The following ANKRD12 variants were observed in gnomAD, a reference collection of about 807,000 sequenced individuals.
ANKRD12 encodes the protein ankyrin repeat domain 12.
In ANKRD12, 85 loss-of-function variants were observed where a neutral mutation model predicts 183.4. The ratio of observed to expected loss-of-function variants is 0.46; its 90% CI spans 0.39 to 0.56. The LOEUF (loss-of-function observed/expected upper bound fraction) is 0.56, where lower values mean the gene tolerates loss of function less well. ANKRD12 is among the 20% of genes least tolerant of loss of function. The probability of loss-of-function intolerance (pLI) is 0.00; values close to 1 mark genes in which losing one functional copy is unlikely to be tolerated. For synonymous variants in ANKRD12, 914 were observed against 800.2 expected, an observed-to-expected ratio of 1.14 and a Z score of -2.40; for missense variants, 2,405 against 2,357.1, an observed-to-expected ratio of 1.02 and a Z score of -0.42.
intron 11 of ANKRD12, among the ~76,000 whole-genome samples, chr18:9,276,640 G>A (rs980937654): frequency 6.6e-6 from 1 of 152,044 alleles, no homozygotes; most frequent in African/African-American, 2.4e-5. Context: ...GTTGAGCCTG[G>A]CAGGCCAAGG....
At chr18:9,262,194 T>C (rs191184978) in intron 9 of ANKRD12, among the ~76,000 whole-genome samples, 59 of 152,304 alleles carry the variant, frequency 3.9e-4, no homozygotes, top group African/African-American at 1.3e-3. Context: ...ACTTTTCATA[T>C]ATGGTGTTAC....
intron 6 of ANKRD12, 22 bp downstream of exon 6, chr18:9,211,806 C>T (rs1248502249): frequency 6.3e-7 from 1 of 1,576,496 alleles, no homozygotes; most frequent in Admixed American, 1.7e-5. Context: ...AATTCAATAC[C>T]TACTATTCAG....
chr18:9,181,152 C>G (rs984472002), intron 1 of ANKRD12, among the ~76,000 whole-genome samples: 2 of 152,120 alleles, frequency 1.3e-5, no homozygotes, highest in Admixed American at 1.3e-4. Context: ...TTGTTTCCTC[C>G]TCTATAAAAT....
chr18:9,248,245 A>C (rs2038078887), intron 8 of ANKRD12, among the ~76,000 whole-genome samples: 1 of 152,182 alleles, frequency 6.6e-6, no homozygotes, highest in African/African-American at 2.4e-5. Flanking sequence ...GGTTCTGATC[A>C]ATTTTCTTAA....
intron 10 of ANKRD12, among the ~76,000 whole-genome samples, chr18:9,272,958 C>CATG (rs59174485): frequency 0.074 from 11,183 of 151,708 alleles, 418 homozygotes; most frequent in African/African-American, 0.083. Context: ...GAATGGGAAA[C>CATG]GTGGGGGTGG....
chr18:9,180,607 T>C (rs749752825), intron 1 of ANKRD12, among the ~76,000 whole-genome samples: 3 of 152,142 alleles, frequency 2.0e-5, no homozygotes, highest in Non-Finnish European at 2.9e-5. Flanking sequence ...GTATAGTTAT[T>C]ATATAGTGAT....
intron 6 of ANKRD12, among the ~76,000 whole-genome samples, chr18:9,214,457 A>C (rs1356472009): frequency 6.6e-6 from 1 of 152,122 alleles, no homozygotes; most frequent in Non-Finnish European, 1.5e-5. Flanking sequence ...TATCTGCTTA[A>C]AACACCATGT....
chr18:9,143,290 T>C (rs2078382242), intron 1 of ANKRD12, among the ~76,000 whole-genome samples: 2 of 152,226 alleles, frequency 1.3e-5, no homozygotes, highest in South Asian at 2.1e-4. Context: ...TTATAAGTTA[T>C]AAAAATGTTA....
intron 5 of ANKRD12, 46 bp downstream of exon 5, chr18:9,208,849 C>T: frequency 6.9e-7 from 1 of 1,448,920 alleles, no homozygotes; most frequent in Non-Finnish European, 9.2e-7. Flanking sequence ...TAGTTTTCCT[C>T]AGGCAACTGT....
intron 10 of ANKRD12, among the ~76,000 whole-genome samples, chr18:9,271,369 C>G (rs2039593433): frequency 6.6e-6 from 1 of 152,084 alleles, no homozygotes; most frequent in South Asian, 2.1e-4. Context: ...ACTAAAAATA[C>G]AAAAAATTAG....
chr18:9,215,035 AAAT>A (rs1470770054), intron 6 of ANKRD12, among the ~76,000 whole-genome samples: 1 of 152,184 alleles, frequency 6.6e-6, no homozygotes, highest in Non-Finnish European at 1.5e-5. Flanking sequence ...TCGTTTAAAA[AAAT>A]GTCAAGATAA....
At chr18:9,244,324 A>G (rs1173002136) in intron 8 of ANKRD12, among the ~76,000 whole-genome samples, 1 of 152,166 alleles carries the variant, frequency 6.6e-6, no homozygotes, top group African/African-American at 2.4e-5. Context: ...TTTTAGTGAC[A>G]CAAAATATAA....
At position 9,211,621 on chromosome 18, in the gene ANKRD12, C is replaced by T; in HGVS notation, c.489C>T (p.Ala163=). ...ATCATCCATCACAAACAACGCCTGC[C>T]CAAAAGAAAACTCCCAGTTCTTCAT... ...TPNHPSQTTP[A]QKKTPSSSSR... The change falls in exon 6 of 13, where the codon GCC becomes GCT. Residue 163 remains alanine, a synonymous_variant. Transcript: ENST00000262126. The T allele has an allele frequency of 1.2e-6, 2 of 1,613,664 alleles. No homozygotes were observed. The highest frequency in any genetic ancestry group is 1.7e-6 in the Non-Finnish European group (2 of 1,179,814).
chr18:9,173,922 G>A (rs1377159770), intron 1 of ANKRD12, among the ~76,000 whole-genome samples: 2 of 152,236 alleles, frequency 1.3e-5, no homozygotes, highest in African/African-American at 4.8e-5. Context: ...CAACTGAACC[G>A]CAGAGACATT....
rs965668227 is a variant in ANKRD12 at position 9,255,371 on chromosome 18, A to G, written c.2104A>G (p.Lys702Glu). 3 of 1,606,988 alleles carry G rather than the reference A, an allele frequency of 1.9e-6. No individual in the cohort carries two copies. The highest frequency in any genetic ancestry group is 2.7e-5 in the African/African-American group (2 of 74,504). ...AGAATTTTGGAAAGAGAATTTTTTT[A>G]AAAGTGATGAAACTGAAGATCTCTT... ...DREFWKENFF[K>E]SDETEDLFLN... The change falls in exon 9 of 13, where the codon AAA becomes GAA. Residue 702 changes from lysine (K) to glutamate (E), a missense_variant. This residue lies in a region of ANKRD12 where 1,983 missense variants were observed against 1,725.9 expected (regional missense o/e 1.15). Coordinates refer to ENST00000262126, the MANE Select transcript of ANKRD12 (RefSeq NM_015208.5).
chr18:9,141,405 A>G (rs1263357220), intron 1 of ANKRD12, among the ~76,000 whole-genome samples: 1 of 152,220 alleles, frequency 6.6e-6, no homozygotes, highest in East Asian at 1.9e-4. Context: ...AAACTCATTT[A>G]GGATTTTCAT....
chr18:9,233,901 G>A (rs546482883), intron 8 of ANKRD12, among the ~76,000 whole-genome samples: 25 of 152,296 alleles, frequency 1.6e-4, no homozygotes, highest in Non-Finnish European at 2.9e-4. Flanking sequence ...AGATGTCCAG[G>A]TAGCTTACTT....
At chr18:9,176,532 C>T (rs942819491) in intron 1 of ANKRD12, among the ~76,000 whole-genome samples, 1 of 152,092 alleles carries the variant, frequency 6.6e-6, no homozygotes. Context: ...CTCAAGCAGT[C>T]TGTCTGCCTC....
intron 8 of ANKRD12, among the ~76,000 whole-genome samples, chr18:9,250,466 C>G (rs916658601): frequency 1.3e-5 from 2 of 152,058 alleles, no homozygotes; most frequent in Non-Finnish European, 2.9e-5. Context: ...CACCTGTATT[C>G]CCAGCACTTT....
Sources: gnomAD v4.1 joint callset for allele counts (sites outside exome capture counted in the v4.1 genomes callset) on GRCh38, gnomAD v4.1.1 for gene constraint, gnomAD v4.1.1 regional missense constraint, MANE v1.5 for transcripts, NCBI Gene and HGNC (gene_info 2026-07-23, HGNC 2026-07-21) for gene names.